The following SLC39A9 variants were observed in gnomAD, a reference collection of about 807,000 sequenced individuals.
SLC39A9 encodes solute carrier family 39 member 9.
A neutral mutation model predicts 28.4 loss-of-function variants in SLC39A9; 14 were observed. The observed-to-expected ratio is 0.49, with a 90% CI of 0.33 to 0.77. The LOEUF (loss-of-function observed/expected upper bound fraction) is 0.77. SLC39A9 is among the 30% of genes least tolerant of loss of function. The probability of loss-of-function intolerance (pLI) is 0.02; values close to 1 mark genes in which losing one functional copy is unlikely to be tolerated. For synonymous variants in SLC39A9, 119 were observed against 149.6 expected (o/e 0.80, Z 1.49); for missense variants, 283 against 381.1 (o/e 0.74, Z 2.14).
At position 69,422,828 on chromosome 14, in the gene SLC39A9, C is replaced by T. The variant is rs368736067; in HGVS notation, c.97-1266C>T. On this transcript the variant is annotated intron_variant, in intron 1 of 6. Coordinates refer to ENST00000336643, the MANE Select transcript of SLC39A9 (RefSeq NM_018375.5). ...CGAACTCCTGACCTCAGGTGATCCACCCACCTAGTTGTAGTTTTTAAGATC... is the reference window on the plus strand; with the variant it reads ...CGAACTCCTGACCTCAGGTGATCCATCCACCTAGTTGTAGTTTTTAAGATC... 2.8e-4 allele frequency among the ~76,000 whole-genome samples: 43 copies of T among 152,280 alleles called. 1 individual carries two copies. The East Asian group carries it at 7.9e-3, about 28-fold the overall frequency.
chr14:69,452,758 C>T (rs190749511), intron 3 of SLC39A9, among the ~76,000 whole-genome samples: 5 of 151,988 alleles, frequency 3.3e-5, no homozygotes, highest in Non-Finnish European at 7.4e-5. Flanking sequence ...AGGGTGATGG[C>T]AATAAAAATG....
intron 4 of SLC39A9, 124 bp from the exon 5 acceptor site, chr14:69,454,688 A>G (rs554941812): frequency 9.3e-6 from 6 of 642,808 alleles, no homozygotes; most frequent in East Asian, 2.8e-5. Flanking sequence ...GCTGGCATGT[A>G]GAAAGGTTAA....
chr14:69,405,122 G>C (rs370043292), intron 1 of SLC39A9, among the ~76,000 whole-genome samples: 7 of 152,170 alleles, frequency 4.6e-5, no homozygotes, highest in African/African-American at 1.7e-4. Flanking sequence ...ACTATCACAA[G>C]AACAGCATGA....
At chr14:69,450,950 TATAAAATGTCA>T (rs1328823693) in intron 3 of SLC39A9, among the ~76,000 whole-genome samples, 3 of 152,242 alleles carry the variant, frequency 2.0e-5, no homozygotes, top group Admixed American at 6.5e-5. Flanking sequence ...TTTTATGTAT[TATAAAATGTCA>T]ATAAAATGTA....
chr14:69,425,538 A>C (rs1884143596), intron 2 of SLC39A9, among the ~76,000 whole-genome samples: 1 of 152,248 alleles, frequency 6.6e-6, no homozygotes, highest in Non-Finnish European at 1.5e-5. Context: ...CTTATGAAAC[A>C]AGTTTCAGAA....
chr14:69,458,999 A>G lies in SLC39A9; in HGVS notation c.*406A>G, dbSNP rs976950618. ...TTCTTCTTAGTTTAGAGGCTCTGCT[A>G]CTTTATCCATTGATTTTTAACATGG... is the stretch of plus-strand genomic sequence containing the variant. On this transcript the variant is annotated 3_prime_UTR_variant, in exon 7 of 7. Transcript: ENST00000336643. The G allele has an allele frequency of 1.4e-5, 14 of 993,276 alleles. No homozygotes were observed. In the African/African-American group the frequency reaches 2.3e-4, roughly 16 times the overall value. The allele number at this position is 993,276 out of a possible 1,614,324, so 61.5% of individuals were successfully genotyped here.
intron 1 of SLC39A9, among the ~76,000 whole-genome samples, chr14:69,411,531 C>G (rs1883263998): frequency 6.6e-6 from 1 of 152,174 alleles, no homozygotes; most frequent in African/African-American, 2.4e-5. Context: ...CTGACAGAAA[C>G]TGTTGGTTTG....
upstream of SLC39A9, chr14:69,398,499 G>A: frequency 1.7e-6 from 1 of 577,430 alleles, no homozygotes; most frequent in Non-Finnish European, 3.1e-6. Context: ...TTTTCAAGAC[G>A]CTGTCTTCCG....
At chr14:69,453,784 G>C (rs1035216864) in intron 4 of SLC39A9, among the ~76,000 whole-genome samples, 2 of 152,220 alleles carry the variant, frequency 1.3e-5, no homozygotes, top group African/African-American at 4.8e-5. Context: ...AAAGTTGCAG[G>C]AGGCTGAGGA....
intron 2 of SLC39A9, chr14:69,428,463 A>G (rs1884313256): frequency 1.3e-5 from 2 of 152,504 alleles, no homozygotes; most frequent in Middle Eastern, 3.2e-3. Context: ...CCAACAATTA[A>G]CAACACAAAA....
chr14:69,444,504 A>G (rs987019795), intron 3 of SLC39A9, among the ~76,000 whole-genome samples: 1 of 152,230 alleles, frequency 6.6e-6, no homozygotes, highest in Non-Finnish European at 1.5e-5. Flanking sequence ...AAGCTTAACA[A>G]TACACCCGAT....
chr14:69,450,970 T>C (rs1017593266), intron 3 of SLC39A9, among the ~76,000 whole-genome samples: 1 of 152,238 alleles, frequency 6.6e-6, no homozygotes, highest in African/African-American at 2.4e-5. Context: ...CAATAAAATG[T>C]ATTTATTAAA....
At chr14:69,401,716 C>T (rs1397653885) in intron 1 of SLC39A9, among the ~76,000 whole-genome samples, 1 of 152,020 alleles carries the variant, frequency 6.6e-6, no homozygotes, top group Non-Finnish European at 1.5e-5. Context: ...CTTAAATTGA[C>T]GGTCAGATGG....
rs1315061133 is a variant in SLC39A9 at position 69,455,715 on chromosome 14, T to C, written c.559-17T>C. 1 of 1,614,100 alleles carries C rather than the reference T, an allele frequency of 6.2e-7. No homozygotes were observed. The highest frequency in any genetic ancestry group is 1.3e-5 in the African/African-American group (1 of 75,032). ...ATACTTCTAGAATGATAATAAGAGA[T>C]GATTTTTTATTTCCAGGCACCAGCT... On this transcript the variant is annotated splice_polypyrimidine_tract_variant and intron_variant, in intron 5 of 6. Transcript: ENST00000336643.
chr14:69,403,910 G>A (rs900043068), intron 1 of SLC39A9, among the ~76,000 whole-genome samples: 9 of 152,164 alleles, frequency 5.9e-5, no homozygotes, highest in Admixed American at 2.0e-4. Context: ...GGGCGTGGTG[G>A]CACGTGCCTG....
In SLC39A9 at chr14:69,406,848, G is replaced by GTTTTTTTT. The variant is rs398025544; in HGVS notation, c.96+7396_96+7403dup. Among the ~76,000 whole-genome samples, 24 of 95,898 alleles carry GTTTTTTTT rather than the reference G, an allele frequency of 2.5e-4. 2 individuals are homozygous for GTTTTTTTT. The highest frequency in any genetic ancestry group is 3.9e-4 in the Admixed American group (3 of 7,776). 62.9% of individuals were successfully genotyped at this position (95,898 alleles called of 152,430 possible). A position where few individuals can be genotyped will look rare whatever the true frequency, so the allele number is the denominator to read the frequency against. ...ATATTAGTTAGACTGGAAATTCTTT[G>GTTTTTTTT]TTTTTTTTTTTTTTTTTTTTGAGAT... On this transcript the variant is annotated intron_variant, in intron 1 of 6. Transcript: ENST00000336643.
chr14:69,440,798 T>C (rs1327076746), intron 2 of SLC39A9, among the ~76,000 whole-genome samples: 3 of 152,140 alleles, frequency 2.0e-5, no homozygotes, highest in Admixed American at 2.0e-4. Flanking sequence ...CTCAGCCTCC[T>C]GAGTAGCTGG....
At chr14:69,444,617 A>G (rs1490502906) in intron 3 of SLC39A9, among the ~76,000 whole-genome samples, 2 of 152,150 alleles carry the variant, frequency 1.3e-5, no homozygotes, top group South Asian at 2.1e-4. Context: ...AAAACTACAT[A>G]TATGTTTACC....
At chr14:69,411,360 C>G (rs1883255179) in intron 1 of SLC39A9, among the ~76,000 whole-genome samples, 1 of 152,122 alleles carries the variant, frequency 6.6e-6, no homozygotes, top group South Asian at 2.1e-4. Flanking sequence ...AAAGCTTGTG[C>G]TGATGGTTAA....
Sources: gnomAD v4.1 joint callset for allele counts (sites outside exome capture counted in the v4.1 genomes callset) on GRCh38, gnomAD v4.1.1 for gene constraint, MANE v1.5 for transcripts, NCBI Gene and HGNC (gene_info 2026-07-23, HGNC 2026-07-21) for gene names.